XPR1: variants seen among roughly 807,000 people sequenced by gnomAD.
XPR1 encodes solute carrier family 53 member 1.
Under a neutral mutation model 87.5 loss-of-function variants are expected in XPR1, and 28 were observed. That is an observed-to-expected ratio of 0.32 (90% confidence interval 0.24 to 0.44). The LOEUF (loss-of-function observed/expected upper bound fraction) is 0.44, where lower values mean the gene tolerates loss of function less well. Among genes scored for constraint, XPR1 ranks in the 20% least tolerant of loss-of-function variants. XPR1 has a pLI of 1.00. For synonymous variants in XPR1, 300 were observed against 306.1 expected (o/e 0.98, Z 0.21); for missense variants, 559 against 862.3 (o/e 0.65, Z 4.41).
At chr1:180,816,425 C>A (rs1319335479) in intron 7 of XPR1, among the ~76,000 whole-genome samples, 1 of 152,166 alleles carries the variant, frequency 6.6e-6, no homozygotes, top group Non-Finnish European at 1.5e-5. Context: ...GAGCACGGAC[C>A]AGTACTGGTC....
intron 2 of XPR1, among the ~76,000 whole-genome samples, chr1:180,730,594 A>G (rs573269307): frequency 2.0e-4 from 31 of 152,320 alleles, no homozygotes; most frequent in Non-Finnish European, 4.1e-4. Context: ...GCCAGGCTCT[A>G]TCACAGCTAC....
chr1:180,849,199 T>C (rs1204722337), intron 11 of XPR1, among the ~76,000 whole-genome samples: 1 of 152,226 alleles, frequency 6.6e-6, no homozygotes, highest in African/African-American at 2.4e-5. Flanking sequence ...AAATATGTCA[T>C]GTGTTGGCAG....
At chr1:180,759,409 G>C (rs563170226) in intron 2 of XPR1, among the ~76,000 whole-genome samples, 1 of 151,906 alleles carries the variant, frequency 6.6e-6, no homozygotes, top group African/African-American at 2.4e-5. Context: ...TCAGATAGGC[G>C]CAATAAAAAA....
chr1:180,712,941 CTTT>C (rs60236840), intron 2 of XPR1, among the ~76,000 whole-genome samples: 2 of 130,182 alleles, frequency 1.5e-5, no homozygotes, highest in Admixed American at 7.7e-5. Context: ...CAGCTTTGTT[CTTT>C]TTTTTTTTTT....
At chr1:180,692,809 T>G (rs553534963) in intron 2 of XPR1, among the ~76,000 whole-genome samples, 2 of 152,292 alleles carry the variant, frequency 1.3e-5, no homozygotes, top group African/African-American at 2.4e-5. Flanking sequence ...ATAGTAAAAT[T>G]ATGTTATGAT....
At chr1:180,872,761 A>T (rs12082309) in intron 12 of XPR1, among the ~76,000 whole-genome samples, 6,380 of 150,022 alleles carry the variant, frequency 0.043, 487 homozygotes, top group African/African-American at 0.15. Context: ...ATGGAAATGC[A>T]GAAATCACCC....
chr1:180,815,267 T>C (rs1043439664), intron 7 of XPR1, among the ~76,000 whole-genome samples: 6 of 152,186 alleles, frequency 3.9e-5, no homozygotes, highest in African/African-American at 1.4e-4. Flanking sequence ...GTTTAGTATA[T>C]ACAGACTATG....
At chr1:180,779,576 G>A (rs1449070746) in intron 2 of XPR1, among the ~76,000 whole-genome samples, 2 of 151,950 alleles carry the variant, frequency 1.3e-5, no homozygotes, top group East Asian at 3.9e-4. Flanking sequence ...CCAACATGGT[G>A]AAACATCATC....
chr1:180,679,419 T>C (rs890776519), intron 1 of XPR1, among the ~76,000 whole-genome samples: 26 of 152,180 alleles, frequency 1.7e-4, no homozygotes, highest in Non-Finnish European at 3.1e-4. Context: ...AAAAATTCTA[T>C]AATGCGCAGA....
intron 7 of XPR1, among the ~76,000 whole-genome samples, chr1:180,820,731 A>G (rs765506386): frequency 6.6e-6 from 1 of 152,054 alleles, no homozygotes; most frequent in African/African-American, 2.4e-5. Flanking sequence ...CTTGTTTTCT[A>G]TGTTTTTGTT....
At chr1:180,655,852 A>G (rs371830871) in intron 1 of XPR1, among the ~76,000 whole-genome samples, 8 of 152,042 alleles carry the variant, frequency 5.3e-5, no homozygotes, top group African/African-American at 1.2e-4. Flanking sequence ...GTAGGTGTAT[A>G]TATTTATGGA....
At chr1:180,838,536 T>A (rs185810252) in intron 11 of XPR1, among the ~76,000 whole-genome samples, 63 of 152,312 alleles carry the variant, frequency 4.1e-4, no homozygotes, top group African/African-American at 1.4e-3. Flanking sequence ...AGTAACAGTT[T>A]AGATAGTATT....
intron 14 of XPR1, among the ~76,000 whole-genome samples, chr1:180,883,039 T>C (rs1652893082): frequency 6.6e-6 from 1 of 151,632 alleles, no homozygotes; most frequent in Admixed American, 6.6e-5. Context: ...CATACCTTAC[T>C]GCAGCCTTGA....
intron 2 of XPR1, among the ~76,000 whole-genome samples, chr1:180,778,041 C>T (rs914694885): frequency 5.9e-5 from 9 of 152,104 alleles, no homozygotes; most frequent in African/African-American, 1.9e-4. Flanking sequence ...TAGAGTATAA[C>T]GTGATTACAG....
intron 2 of XPR1, among the ~76,000 whole-genome samples, chr1:180,756,707 G>T (rs984365763): frequency 1.3e-5 from 2 of 152,086 alleles, no homozygotes; most frequent in Admixed American, 6.6e-5. Context: ...CTTATCTTCA[G>T]TCATGAAGAT....
chr1:180,759,388 A>C (rs1407152253), intron 2 of XPR1, among the ~76,000 whole-genome samples: 1 of 152,216 alleles, frequency 6.6e-6, no homozygotes, highest in East Asian at 1.9e-4. Context: ...AAAGAAGAAA[A>C]GAGAGAAGAA....
intron 3 of XPR1, among the ~76,000 whole-genome samples, chr1:180,788,582 A>G (rs1649265060): frequency 6.6e-6 from 1 of 152,130 alleles, no homozygotes; most frequent in South Asian, 2.1e-4. Context: ...TTCCTGTTAC[A>G]CCGCCAGATA....
rs570960319 is a variant in XPR1 at position 180,711,483 on chromosome 1, G to A, written c.121+29072G>A. 1.7e-4 allele frequency among the ~76,000 whole-genome samples: 26 copies of A among 152,298 alleles called. No homozygotes were observed. The South Asian group carries it at 2.7e-3, about 16-fold the overall frequency. On this transcript the variant is annotated intron_variant, in intron 2 of 14. Transcript: ENST00000367590. The stretch of plus-strand genomic sequence containing the variant: ...ACGAAAACCAGTCAGGCATCGCGGC[G>A]CGCGCCTGCAATTGCAGGCACTCGG...
At chr1:180,769,266 T>C (rs1196770256) in intron 2 of XPR1, among the ~76,000 whole-genome samples, 3 of 152,202 alleles carry the variant, frequency 2.0e-5, no homozygotes, top group Non-Finnish European at 4.4e-5. Flanking sequence ...AATCCAATTA[T>C]ACTCTTTTAA....
Sources: allele counts gnomAD v4.1 joint callset (sites outside exome capture counted in the v4.1 genomes callset), GRCh38; gene constraint gnomAD v4.1.1; transcripts MANE v1.5; gene names NCBI Gene and HGNC (gene_info 2026-07-23, HGNC 2026-07-21).